Variants in ITGAV observed in about 807,000 individuals in gnomAD.
ITGAV encodes the protein integrin subunit alpha V.
ITGAV carries 76 observed loss-of-function variants against 143.8 expected under a neutral mutation model. The observed-to-expected ratio is 0.53, with a 90% CI of 0.44 to 0.64. ITGAV has a LOEUF of 0.64. Among genes scored for constraint, ITGAV ranks in the 30% least tolerant of loss-of-function variants. ITGAV has a pLI of 0.00. For synonymous variants in ITGAV, 453 were observed against 446.7 expected (o/e 1.01, Z -0.18); for missense variants, 1,193 against 1,274.7 (o/e 0.94, Z 0.98).
intron 10 of ITGAV, among the ~76,000 whole-genome samples, chr2:186,639,995 C>T (rs1350448522): frequency 6.6e-6 from 1 of 152,232 alleles, no homozygotes; most frequent in Admixed American, 6.5e-5. Flanking sequence ...CCCAATTACA[C>T]TGTATCAACC....
Position 186,680,765 on chromosome 2 carries a change from G to T in ITGAV, c.*3473G>T, listed in dbSNP as rs1355287384. The T allele has an allele frequency of 6.6e-6, 1 of 152,596 alleles. No homozygotes were observed. Among genetic ancestry groups the T allele is most frequent in the African/African-American group, 2.4e-5 (1 of 41,450 alleles). The allele number at this position is 152,596 out of a possible 1,614,324, so 9.5% of individuals were successfully genotyped here. The stretch of plus-strand genomic sequence containing the variant: ...ATATCTTTGTGGTCACCCACATTGG[G>T]TGAGACAGAAAATGAATCTGTTCTA... On this transcript the variant is annotated 3_prime_UTR_variant, in exon 30 of 30. Transcript: ENST00000261023.
chr2:186,591,517 A>C (rs772945978), intron 1 of ITGAV, among the ~76,000 whole-genome samples: 18 of 152,170 alleles, frequency 1.2e-4, no homozygotes, highest in African/African-American at 4.3e-4. Flanking sequence ...TTGTAACAAC[A>C]TATTTTTGTT....
intron 12 of ITGAV, among the ~76,000 whole-genome samples, chr2:186,644,340 T>G (rs1188175788): frequency 2.0e-5 from 3 of 152,068 alleles, no homozygotes; most frequent in East Asian, 1.9e-4. Flanking sequence ...TTTTTGTTTT[T>G]TTTTTAGACT....
chr2:186,649,081 C>CT (rs1688351566), intron 13 of ITGAV, among the ~76,000 whole-genome samples: 1 of 147,618 alleles, frequency 6.8e-6, no homozygotes. Context: ...CTTTTTGTGT[C>CT]TCTTTTTTCT....
chr2:186,670,021 A>G (rs1689020315), intron 26 of ITGAV: 3 of 510,540 alleles, frequency 5.9e-6, no homozygotes, highest in Admixed American at 7.7e-5. Flanking sequence ...GATGGCTAAT[A>G]AAACTAGTTT....
chr2:186,633,589 A>T (rs1394540431), intron 6 of ITGAV, among the ~76,000 whole-genome samples: 1 of 150,974 alleles, frequency 6.6e-6, no homozygotes, highest in Non-Finnish European at 1.5e-5. Context: ...TAAACTGAAT[A>T]TTTAAAAAGT....
intron 1 of ITGAV, among the ~76,000 whole-genome samples, chr2:186,596,185 A>G (rs764524796): frequency 6.6e-6 from 1 of 152,216 alleles, no homozygotes; most frequent in Non-Finnish European, 1.5e-5. Context: ...AAGTAATTAC[A>G]GTGGGCATTG....
At chr2:186,634,119 T>C (rs888293255) in intron 6 of ITGAV, among the ~76,000 whole-genome samples, 4 of 151,764 alleles carry the variant, frequency 2.6e-5, no homozygotes. Flanking sequence ...TGCATTATTA[T>C]ATTATTCAGT....
chr2:186,675,831 G>C lies in ITGAV; in HGVS notation c.2832G>C (p.Gln944His). 1 of 1,600,888 alleles carries C rather than the reference G, an allele frequency of 6.2e-7. No homozygotes were observed. Among genetic ancestry groups the C allele is most frequent in the Non-Finnish European group, 8.5e-7 (1 of 1,171,338 alleles). ...TTATTTCCAAACAGAAAGAAAATCA[G>C]AATCATTCCTATTCTCTGAAGTCGT... ...WTETFMNKENQNHSYSLKSSA... is the reference protein window; with the variant it reads ...WTETFMNKENHNHSYSLKSSA... The change falls in exon 28 of 30, where the codon CAG (glutamine) becomes CAC (histidine). Residue 944 changes from glutamine to histidine, a missense_variant. Coordinates refer to ENST00000261023, the MANE Select transcript of ITGAV (RefSeq NM_002210.5).
chr2:186,631,983 T>C (rs1001508506), intron 5 of ITGAV, among the ~76,000 whole-genome samples: 1 of 152,186 alleles, frequency 6.6e-6, no homozygotes, highest in African/African-American at 2.4e-5. Flanking sequence ...GCCATGTTCA[T>C]GCCACTGCAT....
intron 2 of ITGAV, among the ~76,000 whole-genome samples, chr2:186,604,320 A>G (rs1228239401): frequency 2.6e-5 from 4 of 152,160 alleles, no homozygotes; most frequent in Non-Finnish European, 5.9e-5. Flanking sequence ...ATATTTCCTT[A>G]TCGGCATATG....
At chr2:186,598,294 T>TACACACACACACACACACAC (rs56789925) in intron 1 of ITGAV, among the ~76,000 whole-genome samples, 1 of 147,856 alleles carries the variant, frequency 6.8e-6, no homozygotes, top group Non-Finnish European at 1.5e-5. Context: ...TTATAATTTA[T>TACACACACACACACACACAC]ACACACACAC....
At position 186,646,848 on chromosome 2, in the gene ITGAV, C is replaced by G. The variant is rs1429576456; in HGVS notation, c.1322C>G (p.Ala441Gly). 1.2e-6 allele frequency: 2 copies of G among 1,602,708 alleles called. No homozygotes were observed. Among genetic ancestry groups the G allele is most frequent in the Non-Finnish European group, 1.7e-6 (2 of 1,172,754 alleles). The change falls in exon 13 of 30, where the codon GCC becomes GGC. Residue 441 changes from alanine to glycine, a missense_variant. Coordinates refer to ENST00000261023, the MANE Select transcript of ITGAV (RefSeq NM_002210.5). ...AGCTTTGGCTATTCAATGAAAGGAGCCACAGATATAGACAAAAATGGATAT... is the reference window on the plus strand; with the variant it reads ...AGCTTTGGCTATTCAATGAAAGGAGGCACAGATATAGACAAAAATGGATAT... ...PPSFGYSMKG[A>G]TDIDKNGYPD...
At chr2:186,637,898 C>T (rs901845865) in intron 8 of ITGAV, among the ~76,000 whole-genome samples, 1 of 152,166 alleles carries the variant, frequency 6.6e-6, no homozygotes, top group Non-Finnish European at 1.5e-5. Flanking sequence ...ATTTTGATCA[C>T]ATTTTTGTGC....
At chr2:186,596,705 G>A (rs573574359) in intron 1 of ITGAV, among the ~76,000 whole-genome samples, 20 of 152,012 alleles carry the variant, frequency 1.3e-4, no homozygotes, top group African/African-American at 4.6e-4. Flanking sequence ...GGCCTGTGTT[G>A]CTTTTTATTC....
At chr2:186,650,245 A>G (rs1160694617) in intron 14 of ITGAV, among the ~76,000 whole-genome samples, 2 of 152,126 alleles carry the variant, frequency 1.3e-5, no homozygotes, top group African/African-American at 4.8e-5. Flanking sequence ...TTGGAGACAG[A>G]GTTTCAGTGC....
chr2:186,615,064 A>G (rs907936452), intron 2 of ITGAV, among the ~76,000 whole-genome samples: 1 of 152,046 alleles, frequency 6.6e-6, no homozygotes, highest in Non-Finnish European at 1.5e-5. Context: ...CTGTGTCTAC[A>G]TATTTTTGGT....
intron 5 of ITGAV, among the ~76,000 whole-genome samples, chr2:186,632,706 T>G (rs1687845861): frequency 6.6e-6 from 1 of 152,108 alleles, no homozygotes; most frequent in South Asian, 2.1e-4. Flanking sequence ...AGAAAATTCT[T>G]CAATGATTAT....
At chr2:186,664,935 G>C (rs917892087) in intron 20 of ITGAV, among the ~76,000 whole-genome samples, 191 bp from the exon 21 acceptor site, 1 of 152,188 alleles carries the variant, frequency 6.6e-6, no homozygotes, top group African/African-American at 2.4e-5. Context: ...TTGTATGGTA[G>C]TCCTCTAGGG....
Sources: gnomAD v4.1 joint callset for allele counts (sites outside exome capture counted in the v4.1 genomes callset) on GRCh38, gnomAD v4.1.1 for gene constraint, MANE v1.5 for transcripts, NCBI Gene and HGNC (gene_info 2026-07-23, HGNC 2026-07-21) for gene names.